The following CD247 variants were observed in gnomAD, a reference collection of about 807,000 sequenced individuals.
The protein encoded by CD247 is T-cell surface glycoprotein CD3 zeta chain.
A neutral mutation model predicts 30.0 loss-of-function variants in CD247; 13 were observed. That is an observed-to-expected ratio of 0.43 (90% CI 0.28 to 0.69). CD247 has a LOEUF of 0.69. CD247 is among the 30% of genes least tolerant of loss of function. CD247 has a pLI of 0.16. For synonymous variants in CD247, 72 were observed against 80.0 expected (o/e 0.90, Z 0.53); for missense variants, 193 against 212.6 (o/e 0.91, Z 0.57).
chr1:167,436,344 C>G (rs1366527164), intron 4 of CD247, among the ~76,000 whole-genome samples: 1 of 152,152 alleles, frequency 6.6e-6, no homozygotes, highest in Non-Finnish European at 1.5e-5. Flanking sequence ...ATGACCAATC[C>G]ACAGCTAACA....
chr1:167,441,840 G>A (rs561523689), intron 1 of CD247, among the ~76,000 whole-genome samples: 49 of 152,392 alleles, frequency 3.2e-4, no homozygotes, highest in Admixed American at 7.2e-4. Flanking sequence ...GCTGGGGGCG[G>A]TGGCTCACGC....
At chr1:167,512,413 C>A (rs1195074365) in intron 1 of CD247, among the ~76,000 whole-genome samples, 1 of 152,072 alleles carries the variant, frequency 6.6e-6, no homozygotes, top group African/African-American at 2.4e-5. Flanking sequence ...GGGTAAGGAT[C>A]GGGGGCTGAG....
chr1:167,495,038 T>C (rs1204183759), intron 1 of CD247, among the ~76,000 whole-genome samples: 1 of 152,198 alleles, frequency 6.6e-6, no homozygotes, highest in Non-Finnish European at 1.5e-5. Flanking sequence ...GGAGGGCTGG[T>C]GGCCCAGGTG....
chr1:167,452,315 G>A (rs1281413670), intron 1 of CD247, among the ~76,000 whole-genome samples: 1 of 150,250 alleles, frequency 6.7e-6, no homozygotes, highest in Non-Finnish European at 1.5e-5. Context: ...TCAGGAGGCT[G>A]AGGCAGGAGA....
At chr1:167,439,520 C>A in intron 2 of CD247, 120 bp from the exon 3 acceptor site, 1 of 836,710 alleles carries the variant, frequency 1.2e-6, no homozygotes. Context: ...ACTAACAATG[C>A]TGCCCTGCCT....
At position 167,494,943 on chromosome 1, in the gene CD247, G is replaced by C. The variant is rs1299810577; in HGVS notation, c.58+23465C>G. ...ACTTGCCTTGGCTGGGCTGGACTCT[G>C]TTCTCTCCCCACCTGGACCTTGTGT... On this transcript the variant is annotated intron_variant, in intron 1 of 7. Coordinates refer to ENST00000362089, the MANE Select transcript of CD247 (RefSeq NM_198053.3). This position sits in a 1 kb window ranked among gnomAD's most constrained non-coding sequence, Gnocchi z 7.3. Among the ~76,000 whole-genome samples the C allele has an allele frequency of 1.3e-5, 2 of 152,164 alleles. No individual in the cohort carries two copies. Among genetic ancestry groups the C allele is most frequent in the East Asian group, 1.9e-4 (1 of 5,192 alleles).
At position 167,518,250 on chromosome 1, in the gene CD247, G is replaced by A. The variant is rs35737995; in HGVS notation, c.58+158C>T. Among the ~76,000 whole-genome samples, 7,874 of 152,086 alleles carry A rather than the reference G, an allele frequency of 0.052. 693 individuals carry two copies. Among genetic ancestry groups the A allele is most frequent in the African/African-American group, 0.18 (7,467 of 41,414 alleles). ...CTGTGACGGAGCAGATGCCAGCACC[G>A]GGCCGGACCCCTCACTGCTCACTTG... On this transcript the variant is annotated intron_variant, in intron 1 of 7. Coordinates refer to ENST00000362089, the MANE Select transcript of CD247 (RefSeq NM_198053.3).
chr1:167,433,303 A>G (rs1456781996), intron 6 of CD247, among the ~76,000 whole-genome samples: 1 of 152,198 alleles, frequency 6.6e-6, no homozygotes, highest in African/African-American at 2.4e-5. Flanking sequence ...ATCCTCACAG[A>G]CATCAGATTC....
intron 1 of CD247, among the ~76,000 whole-genome samples, chr1:167,477,695 A>T (rs57283864): frequency 6.6e-6 from 1 of 152,004 alleles, no homozygotes; most frequent in African/African-American, 2.4e-5. Flanking sequence ...ACTTTTGGCT[A>T]ATGTTTTATT....
At chr1:167,456,897 A>T (rs954573635) in intron 1 of CD247, among the ~76,000 whole-genome samples, 1 of 152,190 alleles carries the variant, frequency 6.6e-6, no homozygotes, top group Non-Finnish European at 1.5e-5. Context: ...TTGTCATGTT[A>T]ATGTGTACTC....
At chr1:167,483,586 G>A (rs78448205) in intron 1 of CD247, among the ~76,000 whole-genome samples, 6,216 of 152,190 alleles carry the variant, frequency 0.041, 145 homozygotes, top group Middle Eastern at 0.085. Flanking sequence ...CAGAAAATAG[G>A]CCACACTCTC....
chr1:167,437,372 C>T (rs1651597232), intron 4 of CD247, among the ~76,000 whole-genome samples: 2 of 151,188 alleles, frequency 1.3e-5, no homozygotes, highest in South Asian at 2.1e-4. Flanking sequence ...GCCGTTGCAC[C>T]CCAGCCTGGG....
At chr1:167,447,611 G>A (rs145175268) in intron 1 of CD247, among the ~76,000 whole-genome samples, 2,043 of 152,170 alleles carry the variant, frequency 0.013, 41 homozygotes, top group African/African-American at 0.047. Context: ...TGAATCCTAC[G>A]AAGGCGACAA....
Position 167,430,661 on chromosome 1 carries a change from A to C in CD247, c.*1020T>G. 2.5e-6 allele frequency: 1 copy of C among 398,672 alleles called. No homozygotes were observed. Among genetic ancestry groups the C allele is most frequent in the Non-Finnish European group, 4.4e-6 (1 of 226,074 alleles). 24.7% of individuals were successfully genotyped at this position (398,672 alleles called of 1,614,324 possible). A position where few individuals can be genotyped will look rare whatever the true frequency, so the allele number is the denominator to read the frequency against. On this transcript the variant is annotated 3_prime_UTR_variant, in exon 8 of 8. Coordinates refer to ENST00000362089, the MANE Select transcript of CD247 (RefSeq NM_198053.3). ...AAGCTGCATTTTCACTGAAGCATTT[A>C]TTATGCAAAATAGGAAGGCTTTAGC...
rs773993193 is a variant in CD247, at chr1:167,494,876, T to A, written c.58+23532A>T. Among the ~76,000 whole-genome samples, 1 of 152,170 alleles carries A rather than the reference T, an allele frequency of 6.6e-6. No homozygotes were observed. Among genetic ancestry groups the A allele is most frequent in the South Asian group, 2.1e-4 (1 of 4,834 alleles). ...GGGTTAGAGACCTATTCCAGGACTT[T>A]ACTCTACAGCAAAGCAGTCCGGGTT... On this transcript the variant is annotated intron_variant, in intron 1 of 7. Coordinates refer to ENST00000362089, the MANE Select transcript of CD247 (RefSeq NM_198053.3). The surrounding 1 kb of genome is among the most constrained non-coding windows in gnomAD (Gnocchi z 7.3).
At chr1:167,507,387 C>A (rs1241505860) in intron 1 of CD247, among the ~76,000 whole-genome samples, 2 of 152,072 alleles carry the variant, frequency 1.3e-5, no homozygotes, top group African/African-American at 4.8e-5. Flanking sequence ...GTAGAGAGGA[C>A]CCAGCAACTC....
At chr1:167,515,623 C>G (rs1160507447) in intron 1 of CD247, among the ~76,000 whole-genome samples, 1 of 152,182 alleles carries the variant, frequency 6.6e-6, no homozygotes, top group African/African-American at 2.4e-5. Flanking sequence ...TAACAGTCAT[C>G]CTATGACCAG....
intron 1 of CD247, among the ~76,000 whole-genome samples, chr1:167,460,212 G>GA (rs1652927814): frequency 6.6e-6 from 1 of 152,036 alleles, no homozygotes; most frequent in African/African-American, 2.4e-5. Context: ...GACTAGCCTG[G>GA]GCAACATGGC....
At chr1:167,481,413 C>A (rs1653968958) in intron 1 of CD247, among the ~76,000 whole-genome samples, 1 of 152,128 alleles carries the variant, frequency 6.6e-6, no homozygotes, top group African/African-American at 2.4e-5. Context: ...ATATTAAAAT[C>A]ATTTTTACTC....
Sources: gnomAD v4.1 joint callset for allele counts (sites outside exome capture counted in the v4.1 genomes callset) on GRCh38, gnomAD v4.1.1 for gene constraint, Gnocchi (gnomAD v3.1) non-coding constraint, MANE v1.5 for transcripts, NCBI Gene and HGNC (gene_info 2026-07-23, HGNC 2026-07-21) for gene names.